Variants in TLN2 observed in about 807,000 individuals in gnomAD.
TLN2 encodes the protein talin-2.
In TLN2, 118 loss-of-function variants were observed where a neutral mutation model predicts 294.7. That is an observed-to-expected ratio of 0.40 (90% CI 0.34 to 0.47). TLN2 has a LOEUF of 0.47. TLN2 is among the 20% of genes least tolerant of loss of function. The probability of loss-of-function intolerance (pLI) is 0.84; values close to 1 mark genes in which losing one functional copy is unlikely to be tolerated. For synonymous variants in TLN2, 1,431 were observed against 1,304.5 expected (o/e 1.10, Z -2.09); for missense variants, 3,083 against 3,282.2 (o/e 0.94, Z 1.48).
In TLN2 at chr15:62,634,080, A is replaced by G. The variant is rs1048160597; in HGVS notation, c.-36-13195A>G. On this transcript the variant is annotated intron_variant, in intron 3 of 58. Coordinates refer to ENST00000636159, the MANE Select transcript of TLN2 (RefSeq NM_015059.3). The stretch of plus-strand genomic sequence containing the variant: ...ACCTGATTGCCTCTGTAAAGGTGCC[A>G]TCTTCAAATAAGGTCGCAGTCTGAG... Among the ~76,000 whole-genome samples, 16 of 152,240 alleles carry G rather than the reference A, an allele frequency of 1.1e-4. 3 individuals are homozygous for G. The highest frequency in any genetic ancestry group is 9.8e-4 in the Admixed American group (15 of 15,282).
In TLN2 at chr15:62,815,938, C is replaced by G. The variant is rs568926799; in HGVS notation, c.6772-3578C>G. On this transcript the variant is annotated intron_variant, in intron 52 of 58. Transcript: ENST00000636159. ...CTATCATGATTTCAGCATTCTTCAT[C>G]TTTTGTGGGTCATGGGCCCCTTTGA... 4.6e-5 allele frequency among the ~76,000 whole-genome samples: 7 copies of G among 152,296 alleles called. No homozygotes were observed. The South Asian group carries it at 1.5e-3, about 32-fold the overall frequency.
chr15:62,409,178 C>A (rs1470433605), intron 1 of TLN2, among the ~76,000 whole-genome samples: 4 of 149,398 alleles, frequency 2.7e-5, no homozygotes, highest in African/African-American at 9.9e-5. Flanking sequence ...GGCCATGTCG[C>A]TTATGGCCAG....
rs373017151 is a variant in TLN2, at chr15:62,528,690, T to TTTTG, written c.-237-60997_-237-60996insTTTG. ...GCTTGCTTTTTTTTTTTTTTTTTTT[T>TTTTG]GGCATGTCTCAGGCAAACAAGTCGG... is the stretch of plus-strand genomic sequence containing the variant. On this transcript the variant is annotated intron_variant, in intron 1 of 58. Transcript: ENST00000636159. Among the ~76,000 whole-genome samples, 21 of 138,646 alleles carry TTTTG rather than the reference T, an allele frequency of 1.5e-4. No individual in the cohort carries two copies. In the South Asian group the frequency reaches 2.3e-3, roughly 15 times the overall value. 91.0% of individuals were successfully genotyped at this position (138,646 alleles called of 152,430 possible).
At chr15:62,623,665 A>G (rs1002569279) in intron 3 of TLN2, among the ~76,000 whole-genome samples, 7 of 152,206 alleles carry the variant, frequency 4.6e-5, no homozygotes, top group Non-Finnish European at 7.3e-5. Context: ...CAAAACTCAA[A>G]ACATACATTT....
intron 11 of TLN2, among the ~76,000 whole-genome samples, chr15:62,680,657 T>A (rs72755868): frequency 2.1e-4 from 32 of 152,142 alleles, no homozygotes; most frequent in Non-Finnish European, 4.0e-4. Flanking sequence ...CAGTGAATTA[T>A]AAGATTTTAG....
At chr15:62,822,387 T>C (rs1490437787) in intron 54 of TLN2, among the ~76,000 whole-genome samples, 3 of 152,226 alleles carry the variant, frequency 2.0e-5, no homozygotes, top group Non-Finnish European at 4.4e-5. Flanking sequence ...ATTATTCCAC[T>C]GGCCCCTGAA....
chr15:62,839,189 C>T (rs773226004), intron 58 of TLN2, among the ~76,000 whole-genome samples: 3 of 152,188 alleles, frequency 2.0e-5, no homozygotes, highest in Admixed American at 2.0e-4. Context: ...ACGTGGTCCA[C>T]GTTGGTTCAG....
chr15:62,593,072 G>A (rs1039023130), intron 2 of TLN2, among the ~76,000 whole-genome samples: 11 of 152,204 alleles, frequency 7.2e-5, no homozygotes, highest in Non-Finnish European at 1.5e-4. Context: ...AGGGAGAATT[G>A]TTGAATCTGT....
chr15:62,782,373 T>G (rs1374710154), intron 44 of TLN2, among the ~76,000 whole-genome samples: 1 of 152,152 alleles, frequency 6.6e-6, no homozygotes, highest in African/African-American at 2.4e-5. Flanking sequence ...GGAGGACGGA[T>G]CCTAGTCCGA....
chr15:62,406,667 T>C (rs1343780820), intron 1 of TLN2, among the ~76,000 whole-genome samples: 3 of 152,210 alleles, frequency 2.0e-5, no homozygotes, highest in African/African-American at 7.2e-5. Context: ...GGTGTTGCCA[T>C]GGCAATGGTA....
chr15:62,818,750 C>T (rs2141200020), intron 52 of TLN2, among the ~76,000 whole-genome samples: 1 of 151,862 alleles, frequency 6.6e-6, no homozygotes, highest in East Asian at 1.9e-4. Context: ...ACTTGAGTGG[C>T]GTGTTTCCTC....
chr15:62,799,628 A>G (rs1304902101), intron 48 of TLN2, among the ~76,000 whole-genome samples: 1 of 152,222 alleles, frequency 6.6e-6, no homozygotes, highest in Non-Finnish European at 1.5e-5. Flanking sequence ...AGTCCAGGCC[A>G]AGCCTCCTGG....
At chr15:62,698,986 A>AT (rs1341391023) in intron 16 of TLN2, 119 bp downstream of exon 16, 2 of 955,420 alleles carry the variant, frequency 2.1e-6, no homozygotes, top group Non-Finnish European at 3.2e-6. Flanking sequence ...GAAACCCATG[A>AT]TTTTTTCAGG....
intron 1 of TLN2, among the ~76,000 whole-genome samples, chr15:62,393,733 T>G (rs1460874648): frequency 2.0e-5 from 3 of 152,168 alleles, no homozygotes; most frequent in Non-Finnish European, 4.4e-5. Context: ...AAGAGAAGCT[T>G]TATTGCAAAC....
chr15:62,810,912 C>T (rs1187867108), intron 52 of TLN2, among the ~76,000 whole-genome samples: 2 of 152,174 alleles, frequency 1.3e-5, no homozygotes, highest in Non-Finnish European at 2.9e-5. Flanking sequence ...ATTCACATAG[C>T]TAGAGGAGGA....
At chr15:62,792,895 ACT>A in intron 46 of TLN2, 108 bp downstream of exon 46, 2 of 1,509,068 alleles carry the variant, frequency 1.3e-6, no homozygotes, top group Non-Finnish European at 1.8e-6. Context: ...AACCCAGCTG[ACT>A]CAGCTGTCTC....
At chr15:62,592,619 G>A (rs1296447984) in intron 2 of TLN2, among the ~76,000 whole-genome samples, 1 of 151,020 alleles carries the variant, frequency 6.6e-6, no homozygotes, top group Non-Finnish European at 1.5e-5. Context: ...CCAGAGGAAG[G>A]AGAATTGCTT....
intron 1 of TLN2, among the ~76,000 whole-genome samples, chr15:62,557,138 G>T (rs143183469): frequency 6.6e-6 from 1 of 152,290 alleles, no homozygotes; most frequent in African/African-American, 2.4e-5. Flanking sequence ...TTTGAGCAAG[G>T]TGGTCTTATT....
intron 1 of TLN2, among the ~76,000 whole-genome samples, chr15:62,583,774 G>C (rs545610571): frequency 1.1e-4 from 17 of 152,110 alleles, no homozygotes; most frequent in Non-Finnish European, 1.9e-4. Context: ...TAGAGTTCCT[G>C]TTCTCATGGA....
Sources: gnomAD v4.1 joint callset for allele counts (sites outside exome capture counted in the v4.1 genomes callset) on GRCh38, gnomAD v4.1.1 for gene constraint, MANE v1.5 for transcripts, NCBI Gene and HGNC (gene_info 2026-07-23, HGNC 2026-07-21) for gene names.